The following DOCK4 variants were observed in gnomAD, a reference collection of about 807,000 sequenced individuals.
The protein encoded by DOCK4 is dedicator of cytokinesis 4.
DOCK4 carries 97 observed loss-of-function variants against 268.1 expected under a neutral mutation model. The ratio of observed to expected loss-of-function variants is 0.36; its 90% CI spans 0.31 to 0.43. The LOEUF is 0.43. DOCK4 is among the 20% of genes least tolerant of loss of function. DOCK4 has a pLI of 1.00. For synonymous variants in DOCK4, 954 were observed against 887.2 expected (o/e 1.08, Z -1.34); for missense variants, 2,145 against 2,455.7 (o/e 0.87, Z 2.67).
chr7:111,799,078 A>C (rs1294866014), intron 30 of DOCK4, among the ~76,000 whole-genome samples: 1 of 152,178 alleles, frequency 6.6e-6, no homozygotes, highest in Non-Finnish European at 1.5e-5. Flanking sequence ...CATGCTTCAA[A>C]CTGCTTCTAA....
chr7:112,050,133 T>A (rs4730507), intron 1 of DOCK4, among the ~76,000 whole-genome samples: 11,687 of 152,226 alleles, frequency 0.077, 841 homozygotes, highest in East Asian at 0.39. Context: ...TGTGTCTGTT[T>A]TAGCTTTCCT....
At chr7:111,729,645 A>C (rs1794929869) in intron 52 of DOCK4, among the ~76,000 whole-genome samples, 1 of 152,124 alleles carries the variant, frequency 6.6e-6, no homozygotes. Context: ...CAAAAACCTA[A>C]AAACGCCATA....
chr7:112,063,778 A>T (rs1806666414), intron 1 of DOCK4, among the ~76,000 whole-genome samples: 1 of 152,256 alleles, frequency 6.6e-6, no homozygotes, highest in Non-Finnish European at 1.5e-5. Context: ...AAAGACAATG[A>T]ATATAGAGCC....
chr7:112,171,704 A>G (rs1054899710), intron 1 of DOCK4, among the ~76,000 whole-genome samples: 3 of 152,324 alleles, frequency 2.0e-5, no homozygotes, highest in African/African-American at 7.2e-5. Flanking sequence ...TTTTCTCCAC[A>G]TCAGTAATTA....
chr7:111,837,423 A>G (rs1803319170), intron 25 of DOCK4, among the ~76,000 whole-genome samples: 1 of 152,224 alleles, frequency 6.6e-6, no homozygotes, highest in South Asian at 2.1e-4. Flanking sequence ...AGGCAAGAAA[A>G]GGCAATCAGG....
intron 16 of DOCK4, among the ~76,000 whole-genome samples, chr7:111,878,003 C>T (rs2134270325): frequency 6.6e-6 from 1 of 152,306 alleles, no homozygotes; most frequent in Non-Finnish European, 1.5e-5. Flanking sequence ...ACAATGCATT[C>T]TTACCAAAAG....
In DOCK4 at chr7:112,176,325, C is replaced by A. The variant is rs952844407; in HGVS notation, c.37+29777G>T. ...CCCATATCTCTTATCACCACCCTCA[C>A]CCAATGTGTACCCATTAGAAAGCCT... On this transcript the variant is annotated intron_variant, in intron 1 of 52. Coordinates refer to ENST00000428084, the MANE Select transcript of DOCK4 (RefSeq NM_001363540.2). Among the ~76,000 whole-genome samples the A allele has an allele frequency of 7.9e-5, 12 of 152,264 alleles. No homozygotes were observed. The South Asian group carries it at 1.2e-3, about 16-fold the overall frequency.
chr7:112,136,896 C>T (rs1814405942), intron 1 of DOCK4, among the ~76,000 whole-genome samples: 1 of 152,056 alleles, frequency 6.6e-6, no homozygotes, highest in Admixed American at 6.6e-5. Flanking sequence ...CATTTATTTT[C>T]AATGGGAAAG....
intron 30 of DOCK4, among the ~76,000 whole-genome samples, chr7:111,798,890 A>G (rs1441487615): frequency 3.3e-5 from 5 of 152,180 alleles, no homozygotes; most frequent in Non-Finnish European, 2.9e-5. Context: ...ACCACTAATG[A>G]CTCTCCTATA....
At chr7:112,000,776 A>T (rs1482015287) in intron 2 of DOCK4, among the ~76,000 whole-genome samples, 1 of 152,242 alleles carries the variant, frequency 6.6e-6, no homozygotes, top group Non-Finnish European at 1.5e-5. Context: ...AGAAAAATAC[A>T]TAATGTGAAT....
intron 1 of DOCK4, among the ~76,000 whole-genome samples, chr7:112,038,096 T>C (rs1455095519): frequency 6.6e-6 from 1 of 152,240 alleles, no homozygotes; most frequent in African/African-American, 2.4e-5. Flanking sequence ...TTCATGCCTG[T>C]CTACCTATCC....
chr7:112,097,193 C>T (rs1810224733), intron 1 of DOCK4, among the ~76,000 whole-genome samples: 1 of 152,108 alleles, frequency 6.6e-6, no homozygotes, highest in Non-Finnish European at 1.5e-5. Context: ...TTTAAACTTC[C>T]TTGGCTAAGA....
chr7:111,761,435 T>C (rs537097149), intron 39 of DOCK4, among the ~76,000 whole-genome samples: 19 of 152,250 alleles, frequency 1.2e-4, no homozygotes, highest in African/African-American at 4.1e-4. Context: ...CCCTGGGCTC[T>C]TTCTACTCTG....
intron 1 of DOCK4, among the ~76,000 whole-genome samples, chr7:112,133,502 C>T (rs562311810): frequency 2.6e-5 from 4 of 152,144 alleles, no homozygotes; most frequent in African/African-American, 7.2e-5. Flanking sequence ...CAGGCCGAGG[C>T]GGGTGTATCA....
intron 1 of DOCK4, among the ~76,000 whole-genome samples, chr7:112,069,097 C>G (rs1807345191): frequency 6.6e-6 from 1 of 152,148 alleles, no homozygotes; most frequent in Non-Finnish European, 1.5e-5. Context: ...ACTGGCTATT[C>G]TGAGTGCCCA....
intron 23 of DOCK4, among the ~76,000 whole-genome samples, chr7:111,859,913 C>A (rs1805361156): frequency 6.6e-6 from 1 of 152,140 alleles, no homozygotes. Flanking sequence ...AGGCTTAACC[C>A]TTTTACCTTT....
chr7:112,206,128 G>A lies in DOCK4; in HGVS notation c.11C>T (p.Pro4Leu), dbSNP rs1156711953. 1.3e-6 allele frequency: 2 copies of A among 1,586,332 alleles called. No homozygotes were observed. Among genetic ancestry groups the A allele is most frequent in the Non-Finnish European group, 8.6e-7 (1 of 1,166,062 alleles). Residue 4 changes from proline (P) to leucine (L), a missense_variant, in exon 1 of 53, where the codon CCT becomes CTT. Pro to Leu is a moderately conservative substitution (Grantham distance 98). Coordinates refer to ENST00000428084, the MANE Select transcript of DOCK4 (RefSeq NM_001363540.2). MWIPTEHEKYGVVI... is the reference protein window; with the variant it reads MWILTEHEKYGVVI... Reference sequence around the variant, plus strand: ...CACGCCGTATTTCTCGTGCTCCGTAGGTATCCACATGGCTAAAGGGGCTCC... The same window carrying A: ...CACGCCGTATTTCTCGTGCTCCGTAAGTATCCACATGGCTAAAGGGGCTCC...
At chr7:111,811,599 T>C (rs780885386) in intron 28 of DOCK4, among the ~76,000 whole-genome samples, 2 of 152,158 alleles carry the variant, frequency 1.3e-5, no homozygotes, top group Non-Finnish European at 2.9e-5. Context: ...AAAAACACTA[T>C]GTTTTGAGTC....
chr7:112,087,884 C>T (rs937830897), intron 1 of DOCK4, among the ~76,000 whole-genome samples: 5 of 152,018 alleles, frequency 3.3e-5, no homozygotes, highest in African/African-American at 1.2e-4. Context: ...TCTAACAGAT[C>T]CATGGAGTGG....
Sources: gnomAD v4.1 joint callset for allele counts (sites outside exome capture counted in the v4.1 genomes callset) on GRCh38, gnomAD v4.1.1 for gene constraint, MANE v1.5 for transcripts, NCBI Gene and HGNC (gene_info 2026-07-23, HGNC 2026-07-21) for gene names.